Variants in RASA1 observed in about 807,000 individuals in gnomAD.
The protein encoded by RASA1 is ras GTPase-activating protein 1.
In RASA1, 25 loss-of-function variants were observed where a neutral mutation model predicts 132.2. The observed-to-expected ratio is 0.19, with a 90% CI of 0.14 to 0.26. The LOEUF (loss-of-function observed/expected upper bound fraction) is 0.26. Among genes scored for constraint, RASA1 ranks in the 10% least tolerant of loss-of-function variants. The pLI, the probability that RASA1 is intolerant of heterozygous loss-of-function variation, is 1.00. For synonymous variants in RASA1, 477 were observed against 449.9 expected (o/e 1.06, Z -0.76); for missense variants, 964 against 1,299.2 (o/e 0.74, Z 3.97).
chr5:87,371,110 C>G (rs541286031), intron 12 of RASA1, among the ~76,000 whole-genome samples: 7 of 152,194 alleles, frequency 4.6e-5, no homozygotes, highest in Admixed American at 1.3e-4. Flanking sequence ...ACCATGGTCC[C>G]TCTTTCTGAA....
rs1359038183 is a variant in RASA1, at chr5:87,380,561, C to T, written c.2656C>T (p.Pro886Ser). 4 of 1,613,162 alleles carry T rather than the reference C, an allele frequency of 2.5e-6. No homozygotes were observed. The highest frequency in any genetic ancestry group is 1.7e-5 in the Admixed American group (1 of 59,986). ...CLQKSVQHKWPTNTTMRTRVV... is the reference protein window; with the variant it reads ...CLQKSVQHKWSTNTTMRTRVV... The stretch of plus-strand genomic sequence containing the variant: ...ACAGAAATCTGTTCAGCATAAGTGG[C>T]CTACAAATACCACCATGAGAACAAG... Residue 886 changes from proline (P) to serine (S), a missense_variant, in exon 20 of 25, where the codon CCT (proline) becomes TCT (serine). Pro to Ser is a moderately conservative substitution (Grantham distance 74). Coordinates refer to ENST00000274376, the MANE Select transcript of RASA1 (RefSeq NM_002890.3).
chr5:87,349,713 T>C (rs1337586353), intron 8 of RASA1, among the ~76,000 whole-genome samples: 1 of 151,834 alleles, frequency 6.6e-6, no homozygotes, highest in Non-Finnish European at 1.5e-5. Flanking sequence ...TGAGATACTT[T>C]AGTAGGAAAA....
chr5:87,311,652 G>A (rs549819166), intron 1 of RASA1, among the ~76,000 whole-genome samples: 2 of 152,166 alleles, frequency 1.3e-5, no homozygotes, highest in African/African-American at 2.4e-5. Flanking sequence ...GTGACAACAC[G>A]TGTCAAGTAT....
At chr5:87,282,561 G>T (rs1292971863) in intron 1 of RASA1, among the ~76,000 whole-genome samples, 1 of 152,122 alleles carries the variant, frequency 6.6e-6, no homozygotes, top group African/African-American at 2.4e-5. Context: ...TTTGAGATTT[G>T]ATCACTTCCT....
At chr5:87,306,446 A>C (rs995497860) in intron 1 of RASA1, among the ~76,000 whole-genome samples, 12 of 152,204 alleles carry the variant, frequency 7.9e-5, no homozygotes, top group Middle Eastern at 3.4e-3. Flanking sequence ...AACAACACAC[A>C]CTGGGGCCTA....
chr5:87,338,340 G>C (rs896960869), intron 5 of RASA1, among the ~76,000 whole-genome samples: 2 of 150,402 alleles, frequency 1.3e-5, no homozygotes, highest in African/African-American at 2.4e-5. Context: ...TAACATTTGT[G>C]TTTTCTTTTG....
chr5:87,370,939 C>T (rs1760890797), intron 12 of RASA1, among the ~76,000 whole-genome samples: 1 of 152,142 alleles, frequency 6.6e-6, no homozygotes, highest in South Asian at 2.1e-4. Context: ...ATTTAATGCT[C>T]ATTTCACATG....
At chr5:87,341,832 A>G (rs772944570) in intron 6 of RASA1, among the ~76,000 whole-genome samples, 3 of 152,040 alleles carry the variant, frequency 2.0e-5, no homozygotes, top group Non-Finnish European at 4.4e-5. Context: ...TAGACTATTC[A>G]TCTCCTAATA....
intron 20 of RASA1, among the ~76,000 whole-genome samples, chr5:87,381,723 C>T (rs559433965): frequency 2.0e-5 from 3 of 152,068 alleles, no homozygotes; most frequent in South Asian, 2.1e-4. Context: ...AGCACAGTTA[C>T]GTGTGAGATG....
Position 87,313,985 on chromosome 5 carries a change from T to TTTA in RASA1, c.540-17363_540-17362insTTA, listed in dbSNP as rs1756122425. ...GAGTTTGAGACTACCCTGACCAACA[T>TTTA]GGAGAAACCCTGTCTCTACTAAAAA... On this transcript the variant is annotated intron_variant, in intron 1 of 24. Coordinates refer to ENST00000274376, the MANE Select transcript of RASA1 (RefSeq NM_002890.3). Among the ~76,000 whole-genome samples the TTTA allele has an allele frequency of 2.0e-5, 3 of 151,588 alleles. No individual in the cohort carries two copies. The South Asian group carries it at 6.3e-4, about 32-fold the overall frequency.
rs370957991 is a variant in RASA1 at position 87,374,297 on chromosome 5, A to G, written c.1911A>G (p.Val637=). 35 of 1,606,332 alleles carry G rather than the reference A, an allele frequency of 2.2e-5. No individual in the cohort carries two copies. The highest frequency in any genetic ancestry group is 4.0e-5 in the African/African-American group (3 of 74,668). ...KTHAREGQNP[V]WSEEFVFDDL... ...ATGCAAGGGAAGGGCAAAACCCAGT[A>G]TGGTCAGAAGAGTTTGTCTTTGAGT... Residue 637 remains valine, a synonymous_variant, in exon 14 of 25, where the codon GTA becomes GTG. Coordinates refer to ENST00000274376, the MANE Select transcript of RASA1 (RefSeq NM_002890.3).
At chr5:87,277,114 A>G (rs1010857850) in intron 1 of RASA1, among the ~76,000 whole-genome samples, 1 of 152,200 alleles carries the variant, frequency 6.6e-6, no homozygotes, top group African/African-American at 2.4e-5. Flanking sequence ...TCTTACAATG[A>G]TATAGTGAGA....
chr5:87,285,830 G>C (rs1424170825), intron 1 of RASA1, among the ~76,000 whole-genome samples: 2 of 151,544 alleles, frequency 1.3e-5, no homozygotes, highest in African/African-American at 4.9e-5. Context: ...TGTTGGCCAG[G>C]CTGCTCTCGA....
chr5:87,343,660 G>A (rs1235508907), intron 6 of RASA1, among the ~76,000 whole-genome samples: 1 of 152,086 alleles, frequency 6.6e-6, no homozygotes, highest in Non-Finnish European at 1.5e-5. Flanking sequence ...GCACAGCATG[G>A]AAGTTCTTCA....
At chr5:87,333,166 T>C in intron 3 of RASA1, 101 bp from the exon 4 acceptor site, 1 of 1,505,372 alleles carries the variant, frequency 6.6e-7, no homozygotes, top group East Asian at 2.4e-5. Flanking sequence ...TCCCATGGAG[T>C]TTCTAATGTG....
At chr5:87,287,443 CACCATATATAT>C (rs1158331142) in intron 1 of RASA1, among the ~76,000 whole-genome samples, 3 of 145,928 alleles carry the variant, frequency 2.1e-5, no homozygotes, top group East Asian at 2.0e-4. Context: ...CATATATATA[CACCATATATAT>C]ACCATATATA....
intron 23 of RASA1, among the ~76,000 whole-genome samples, 176 bp downstream of exon 23, chr5:87,387,079 C>T (rs1308899266): frequency 6.6e-6 from 1 of 152,118 alleles, no homozygotes; most frequent in African/African-American, 2.4e-5. Flanking sequence ...GTAATTAAAA[C>T]CATTTATTCT....
At chr5:87,324,101 C>T (rs373397154) in intron 1 of RASA1, among the ~76,000 whole-genome samples, 34 of 152,240 alleles carry the variant, frequency 2.2e-4, no homozygotes, top group East Asian at 1.9e-3. Flanking sequence ...AACCTTCAGA[C>T]GTAGTGATTT....
intron 7 of RASA1, among the ~76,000 whole-genome samples, chr5:87,347,176 C>T (rs1580321407): frequency 6.6e-6 from 1 of 151,966 alleles, no homozygotes; most frequent in South Asian, 2.1e-4. Context: ...CCATAATTAA[C>T]TAGTCTTCAG....
Sources: gnomAD v4.1 joint callset for allele counts (sites outside exome capture counted in the v4.1 genomes callset) on GRCh38, gnomAD v4.1.1 for gene constraint, MANE v1.5 for transcripts, NCBI Gene and HGNC (gene_info 2026-07-23, HGNC 2026-07-21) for gene names.